The following ARHGAP6 variants were observed in gnomAD, a reference collection of about 807,000 sequenced individuals.
The protein encoded by ARHGAP6 is Rho GTPase activating protein 6.
Under a neutral mutation model 55.7 loss-of-function variants are expected in ARHGAP6, and 16 were observed. The ratio of observed to expected loss-of-function variants is 0.29; its 90% CI spans 0.19 to 0.44. ARHGAP6 has a LOEUF of 0.44. ARHGAP6 is among the 20% of genes least tolerant of loss of function. ARHGAP6 has a pLI of 1.00. For missense variants in ARHGAP6, 698 were observed against 808.9 expected, an observed-to-expected ratio of 0.86 and a Z score of 1.66; for synonymous variants, 382 against 360.9, an observed-to-expected ratio of 1.06 and a Z score of -0.66.
chrX:11,357,942 G>GTATA (rs1317921894), intron 1 of ARHGAP6, among the ~76,000 whole-genome samples: 1 of 111,780 alleles, frequency 8.9e-6, no homozygotes, highest in East Asian at 2.8e-4. Flanking sequence ...AATCCAGTAA[G>GTATA]TTTTAGTATA....
At chrX:11,623,954 C>T (rs1479983656) in intron 1 of ARHGAP6, among the ~76,000 whole-genome samples, 1 of 111,171 alleles carries the variant, frequency 9.0e-6, no homozygotes. Context: ...AATCTAGAGG[C>T]ATCACACTAC....
intron 1 of ARHGAP6, among the ~76,000 whole-genome samples, chrX:11,277,221 T>C (rs1181126899): frequency 8.9e-6 from 1 of 112,214 alleles, no homozygotes; most frequent in Non-Finnish European, 1.9e-5. Flanking sequence ...TCATTCATTC[T>C]TATGGCAGGA....
intron 6 of ARHGAP6, 63 bp from the exon 7 acceptor site, chrX:11,179,515 CAGG>C (rs753518964): frequency 4.7e-5 from 53 of 1,138,802 alleles, no homozygotes; most frequent in African/African-American, 3.1e-4. Context: ...CAGTGCCCAG[CAGG>C]AGAAGTGCTG....
chrX:11,151,663 A>G (rs1377598240), intron 10 of ARHGAP6, among the ~76,000 whole-genome samples: 1 of 112,510 alleles, frequency 8.9e-6, no homozygotes, highest in Non-Finnish European at 1.9e-5. Context: ...AAATCAAAAC[A>G]AAATATTAAG....
At chrX:11,371,564 C>A (rs1326218986) in intron 1 of ARHGAP6, among the ~76,000 whole-genome samples, 3 of 111,919 alleles carry the variant, frequency 2.7e-5, no homozygotes, top group African/African-American at 9.7e-5. Flanking sequence ...TTACTATAAT[C>A]CTTAATAGAG....
chrX:11,557,381 G>A (rs1187168500), intron 1 of ARHGAP6, among the ~76,000 whole-genome samples: 1 of 110,857 alleles, frequency 9.0e-6, no homozygotes, highest in Non-Finnish European at 1.9e-5. Context: ...AGTAACAAAT[G>A]ACACCAACAG....
chrX:11,593,307 A>G (rs983807983), intron 1 of ARHGAP6, among the ~76,000 whole-genome samples: 2 of 111,633 alleles, frequency 1.8e-5, no homozygotes, highest in Admixed American at 9.6e-5. Context: ...ATTATCTGAT[A>G]CTAGCAGGGG....
intron 2 of ARHGAP6, among the ~76,000 whole-genome samples, chrX:11,224,492 A>T (rs1411290436): frequency 8.9e-6 from 1 of 112,073 alleles, no homozygotes; most frequent in Non-Finnish European, 1.9e-5. Context: ...TATAATTGCC[A>T]TGCAGCATTA....
intron 1 of ARHGAP6, among the ~76,000 whole-genome samples, chrX:11,319,616 C>T (rs1209393420): frequency 8.9e-6 from 1 of 112,301 alleles, no homozygotes. Flanking sequence ...CAATATACAT[C>T]ACAGTGTTAA....
chrX:11,235,597 C>T (rs1408676337), intron 2 of ARHGAP6, among the ~76,000 whole-genome samples: 1 of 111,356 alleles, frequency 9.0e-6, no homozygotes, highest in East Asian at 2.8e-4. Context: ...TGCAAATTTT[C>T]GAAACTCTTA....
At chrX:11,251,963 T>C in intron 2 of ARHGAP6, among the ~76,000 whole-genome samples, 1 of 112,564 alleles carries the variant, frequency 8.9e-6, no homozygotes, top group Admixed American at 9.4e-5. Flanking sequence ...AAATTATTTG[T>C]AAATCATTAG....
At chrX:11,596,898 T>C in intron 1 of ARHGAP6, among the ~76,000 whole-genome samples, 1 of 112,193 alleles carries the variant, frequency 8.9e-6, no homozygotes, top group Non-Finnish European at 1.9e-5. Flanking sequence ...AACTAATGTG[T>C]GGCACTTTTC....
At chrX:11,142,193 T>C in intron 12 of ARHGAP6, 40 bp downstream of exon 12, 1 of 985,273 alleles carries the variant, frequency 1.0e-6, no homozygotes, top group Non-Finnish European at 1.4e-6. Context: ...GAAAATAATT[T>C]TAAAAGTAAA....
At chrX:11,476,453 G>A (rs1480164413) in intron 1 of ARHGAP6, among the ~76,000 whole-genome samples, 1 of 111,541 alleles carries the variant, frequency 9.0e-6, no homozygotes, top group Non-Finnish European at 1.9e-5. Flanking sequence ...CCCATCATCA[G>A]TTCTTGCAGA....
At chrX:11,566,388 T>C (rs904207941) in intron 1 of ARHGAP6, among the ~76,000 whole-genome samples, 14 of 112,410 alleles carry the variant, frequency 1.2e-4, no homozygotes, top group African/African-American at 4.2e-4. Flanking sequence ...GAGGTCTGTA[T>C]CCATTCATCC....
At chrX:11,251,702 T>A (rs1193324339) in intron 2 of ARHGAP6, among the ~76,000 whole-genome samples, 1 of 112,108 alleles carries the variant, frequency 8.9e-6, no homozygotes, top group Non-Finnish European at 1.9e-5. Flanking sequence ...TTTATTTTCC[T>A]GTGAAAATTA....
At chrX:11,443,240 C>T (rs1384032065) in intron 1 of ARHGAP6, among the ~76,000 whole-genome samples, 2 of 112,811 alleles carry the variant, frequency 1.8e-5, no homozygotes, top group Non-Finnish European at 3.7e-5. Flanking sequence ...GACTCCTCTT[C>T]ATCGCTAAAA....
intron 1 of ARHGAP6, among the ~76,000 whole-genome samples, chrX:11,519,642 T>C (rs1348691451): frequency 9.1e-6 from 1 of 109,647 alleles, no homozygotes; most frequent in Non-Finnish European, 1.9e-5. Flanking sequence ...AACAGAGATA[T>C]AGATCAATGG....
At chrX:11,608,590 T>C (rs1005942394) in intron 1 of ARHGAP6, among the ~76,000 whole-genome samples, 1 of 111,610 alleles carries the variant, frequency 9.0e-6, no homozygotes, top group Non-Finnish European at 1.9e-5. Flanking sequence ...CCCACTGATA[T>C]GGTTTGGCTC....
Sources: gnomAD v4.1 joint callset for allele counts (sites outside exome capture counted in the v4.1 genomes callset) on GRCh38, gnomAD v4.1.1 for gene constraint, MANE v1.5 for transcripts, NCBI Gene and HGNC (gene_info 2026-07-23, HGNC 2026-07-21) for gene names.